Variants in KAT2B observed in about 807,000 individuals in gnomAD.
KAT2B encodes lysine acetyltransferase 2B.
A neutral mutation model predicts 105.9 loss-of-function variants in KAT2B; 36 were observed. The observed-to-expected ratio is 0.34, with a 90% CI of 0.26 to 0.45. The LOEUF (loss-of-function observed/expected upper bound fraction) is 0.45. KAT2B is among the 20% of genes least tolerant of loss of function. The probability of loss-of-function intolerance (pLI) is 1.00; values close to 1 mark genes in which losing one functional copy is unlikely to be tolerated. For missense variants in KAT2B, 820 were observed against 1,021.6 expected (o/e 0.80, Z 2.69); for synonymous variants, 397 against 377.9 (o/e 1.05, Z -0.59).
At chr3:20,103,202 G>T (rs1159946636) in intron 5 of KAT2B, among the ~76,000 whole-genome samples, 1 of 151,956 alleles carries the variant, frequency 6.6e-6, no homozygotes, top group East Asian at 1.9e-4. Flanking sequence ...TGAAACTCTT[G>T]TTTATAATAA....
chr3:20,086,620 A>G (rs1279945027), intron 2 of KAT2B, among the ~76,000 whole-genome samples: 1 of 152,016 alleles, frequency 6.6e-6, no homozygotes, highest in Non-Finnish European at 1.5e-5. Context: ...CCACCCCACA[A>G]AAATGCTGTA....
At position 20,062,175 on chromosome 3, in the gene KAT2B, ATATATAATATATAAAATATATATATTT is replaced by A. The variant is rs1183601741; in HGVS notation, c.304-10150_304-10124del. On this transcript the variant is annotated intron_variant, in intron 1 of 17. Transcript: ENST00000263754. The stretch of plus-strand genomic sequence containing the variant: ...AAATATATAATATATAATATATATA[ATATATAATATATAAAATATATATATTT>A]TATATAAAATATATTATATATAAAA... Among the ~76,000 whole-genome samples the A allele has an allele frequency of 6.8e-5, 5 of 73,548 alleles. 1 individual carries two copies. The highest frequency in any genetic ancestry group is 9.4e-5 in the Non-Finnish European group (4 of 42,368). 48.3% of individuals were successfully genotyped at this position (73,548 alleles called of 152,430 possible). A position where few individuals can be genotyped will look rare whatever the true frequency, so the allele number is the denominator to read the frequency against.
chr3:20,070,584 G>A (rs1390099076), intron 1 of KAT2B, among the ~76,000 whole-genome samples: 15 of 151,224 alleles, frequency 9.9e-5, no homozygotes, highest in Admixed American at 7.2e-4. Context: ...GATTACAGGC[G>A]TGACCCACCG....
At chr3:20,059,641 C>G (rs1197603298) in intron 1 of KAT2B, among the ~76,000 whole-genome samples, 1 of 151,484 alleles carries the variant, frequency 6.6e-6, no homozygotes, top group Non-Finnish European at 1.5e-5. Context: ...GGAGGTGGAG[C>G]TTGCGGTGAG....
At chr3:20,078,627 C>A (rs1209478044) in intron 2 of KAT2B, among the ~76,000 whole-genome samples, 2 of 151,942 alleles carry the variant, frequency 1.3e-5, no homozygotes, top group African/African-American at 4.8e-5. Flanking sequence ...GATCTGCCCA[C>A]CTCGGCCTCC....
chr3:20,146,845 A>G (rs140522055), intron 14 of KAT2B, among the ~76,000 whole-genome samples: 1 of 152,348 alleles, frequency 6.6e-6, no homozygotes, highest in Non-Finnish European at 1.5e-5. Context: ...CTGATGGCCG[A>G]ACACCTTACT....
chr3:20,049,159 C>T (rs9844824), intron 1 of KAT2B, among the ~76,000 whole-genome samples: 6,152 of 152,132 alleles, frequency 0.04, 408 homozygotes, highest in African/African-American at 0.14. Flanking sequence ...CGCGCCTGGC[C>T]GGGCATCGCC....
Position 20,101,296 on chromosome 3 carries a change from A to G in KAT2B, c.679A>G (p.Asn227Asp). 6.2e-7 allele frequency: 1 copy of G among 1,613,876 alleles called. No individual in the cohort carries two copies. Among genetic ancestry groups the G allele is most frequent in the Non-Finnish European group, 8.5e-7 (1 of 1,179,858 alleles). ...CTTCCCTCTTTTTAAGGGTGTGAAT[A>G]ACTTTGTGCAGTACAAATTTAGTCA... ...EKPSIEQGVN[N>D]FVQYKFSHLP... Residue 227 changes from asparagine to aspartate, a missense_variant, in exon 5 of 18, where the codon AAC (asparagine) becomes GAC (aspartate). Coordinates refer to ENST00000263754, the MANE Select transcript of KAT2B (RefSeq NM_003884.5).
At chr3:20,148,717 CTA>C (rs1368529701) in intron 17 of KAT2B, 3 of 418,340 alleles carry the variant, frequency 7.2e-6, no homozygotes, top group Non-Finnish European at 1.3e-5. Context: ...CTTAACGACA[CTA>C]GACGCAGAAA....
intron 11 of KAT2B, 67 bp from the exon 12 acceptor site, chr3:20,136,875 C>T (rs1699607862): frequency 1.3e-6 from 1 of 765,046 alleles, no homozygotes; most frequent in Non-Finnish European, 2.2e-6. Flanking sequence ...CCATCATTTC[C>T]TGATGGATTT....
At position 20,101,479 on chromosome 3, in the gene KAT2B, G is replaced by C; in HGVS notation, c.851+11G>C. 6.2e-7 allele frequency: 1 copy of C among 1,611,418 alleles called. No individual in the cohort carries two copies. The highest frequency in any genetic ancestry group is 8.5e-7 in the Non-Finnish European group (1 of 1,177,866). On this transcript the variant is annotated intron_variant, in intron 5 of 17. Transcript: ENST00000263754. ...AGAGAACTACACAAGGTAATCAGAT[G>C]CAAGTTCTTTTCCTTTGGCCCCATA...
chr3:20,089,862 C>T (rs887624364), intron 2 of KAT2B, among the ~76,000 whole-genome samples: 4 of 151,872 alleles, frequency 2.6e-5, no homozygotes, highest in Non-Finnish European at 5.9e-5. Context: ...TATACAGAAA[C>T]ATGGCTGGGC....
intron 2 of KAT2B, among the ~76,000 whole-genome samples, chr3:20,073,868 T>C (rs1698371180): frequency 6.6e-6 from 1 of 152,242 alleles, no homozygotes; most frequent in Non-Finnish European, 1.5e-5. Flanking sequence ...TTGTTATTGA[T>C]TGGGAAATCC....
At chr3:20,046,289 G>GA (rs1340861136) in intron 1 of KAT2B, among the ~76,000 whole-genome samples, 1 of 152,088 alleles carries the variant, frequency 6.6e-6, no homozygotes. Context: ...AGTCTTAATT[G>GA]AAAAAATAGG....
rs1251450524 is a variant in KAT2B, at chr3:20,072,383, C to T, written c.354C>T (p.Pro118=). ...CNGWKNPNPS[P]TPPRADLQQI... ...GCTGGAAAAACCCTAACCCCTCACCCACTCCCCCCAGAGCCGACCTGCAGC... is the reference window on the plus strand; with the variant it reads ...GCTGGAAAAACCCTAACCCCTCACCTACTCCCCCCAGAGCCGACCTGCAGC... The change falls in exon 2 of 18, where the codon CCC becomes CCT. Residue 118 remains proline, a synonymous_variant. Coordinates refer to ENST00000263754, the MANE Select transcript of KAT2B (RefSeq NM_003884.5). The T allele has an allele frequency of 1.2e-6, 2 of 1,613,050 alleles. No homozygotes were observed. Among genetic ancestry groups the T allele is most frequent in the African/African-American group, 2.7e-5 (2 of 74,986 alleles).
intron 1 of KAT2B, among the ~76,000 whole-genome samples, chr3:20,071,683 A>G (rs1698325781): frequency 6.6e-6 from 1 of 152,336 alleles, no homozygotes; most frequent in South Asian, 2.1e-4. Context: ...CTTTCTATCA[A>G]GTGTTGCTAA....
At position 20,147,971 on chromosome 3, in the gene KAT2B, G is replaced by A; in HGVS notation, c.2128G>A (p.Gly710Ser). The A allele has an allele frequency of 6.2e-7, 1 of 1,613,648 alleles. No individual in the cohort carries two copies. The highest frequency in any genetic ancestry group is 2.2e-5 in the East Asian group (1 of 44,824). The change falls in exon 15 of 18, where the codon GGC (glycine) becomes AGC (serine). Residue 710 changes from glycine (G) to serine (S), a missense_variant. Coordinates refer to ENST00000263754, the MANE Select transcript of KAT2B (RefSeq NM_003884.5). The stretch of plus-strand genomic sequence containing the variant: ...ACTTTGTTGACGTATAGGAGAGACA[G>A]GCTGGAAACCGAGTGGAAAAGAGAA... ...IESIPGIRETGWKPSGKEKSK... is the reference protein window; with the variant it reads ...IESIPGIRETSWKPSGKEKSK...
intron 9 of KAT2B, among the ~76,000 whole-genome samples, chr3:20,125,167 C>CA (rs1699377922): frequency 6.6e-6 from 1 of 151,938 alleles, no homozygotes; most frequent in Non-Finnish European, 1.5e-5. Context: ...CTAAAAAATA[C>CA]AAAAAATTAG....
At chr3:20,050,274 T>C (rs565171886) in intron 1 of KAT2B, among the ~76,000 whole-genome samples, 2 of 151,766 alleles carry the variant, frequency 1.3e-5, no homozygotes, top group African/African-American at 2.4e-5. Flanking sequence ...TATCTCAACA[T>C]GATAAAAAGG....
Sources: allele counts gnomAD v4.1 joint callset (sites outside exome capture counted in the v4.1 genomes callset), GRCh38; gene constraint gnomAD v4.1.1; transcripts MANE v1.5; gene names NCBI Gene and HGNC (gene_info 2026-07-23, HGNC 2026-07-21).